TNRC6B: variants seen among roughly 807,000 people sequenced by gnomAD.
TNRC6B encodes trinucleotide repeat-containing gene 6B protein.
In TNRC6B, 52 loss-of-function variants were observed where a neutral mutation model predicts 203.6. The ratio of observed to expected loss-of-function variants is 0.26; its 90% CI spans 0.20 to 0.32. TNRC6B has a LOEUF of 0.32. Among genes scored for constraint, TNRC6B ranks in the 10% least tolerant of loss-of-function variants. The pLI is 1.00. For synonymous variants in TNRC6B, 838 were observed against 845.7 expected, an observed-to-expected ratio of 0.99 and a Z score of 0.16; for missense variants, 1,923 against 2,286.2, an observed-to-expected ratio of 0.84 and a Z score of 3.24.
At chr22:40,221,750 TG>T (rs1472093174) in intron 1 of TNRC6B, among the ~76,000 whole-genome samples, 3 of 116,996 alleles carry the variant, frequency 2.6e-5, no homozygotes, top group Non-Finnish European at 5.4e-5. Flanking sequence ...ACCTTCTTAT[TG>T]CCCCCCCCCC....
At chr22:40,302,923 A>T (rs1021513551) in intron 15 of TNRC6B, among the ~76,000 whole-genome samples, 1 of 152,204 alleles carries the variant, frequency 6.6e-6, no homozygotes, top group Non-Finnish European at 1.5e-5. Flanking sequence ...ATATAGAAGA[A>T]GGTCAGCTCT....
intron 1 of TNRC6B, among the ~76,000 whole-genome samples, chr22:40,222,308 G>A (rs971518345): frequency 6.6e-6 from 1 of 152,182 alleles, no homozygotes; most frequent in African/African-American, 2.4e-5. Flanking sequence ...AGGAATAAAA[G>A]GGGCTTAAAG....
At chr22:40,171,040 GTA>G (rs58126747) in intron 4 of TNRC6B, among the ~76,000 whole-genome samples, 99,053 of 145,802 alleles carry the variant, frequency 0.68, 35,255 homozygotes, top group African/African-American at 0.9. Context: ...CTATATAGGT[GTA>G]TATATATATA....
intron 4 of TNRC6B, among the ~76,000 whole-genome samples, chr22:40,262,761 C>T (rs1038436662): frequency 6.6e-5 from 10 of 152,072 alleles, no homozygotes; most frequent in South Asian, 2.1e-4. Flanking sequence ...AGTTTTTGGC[C>T]GGGCACGGTG....
chr22:40,156,233 C>T (rs1218885857), intron 4 of TNRC6B: 11 of 1,528,656 alleles, frequency 7.2e-6, no homozygotes, highest in Admixed American at 5.9e-5. Context: ...CTCGGAAACA[C>T]TTTGGTTCAA....
At chr22:40,236,486 A>G (rs1569032700) in intron 1 of TNRC6B, among the ~76,000 whole-genome samples, 1 of 152,160 alleles carries the variant, frequency 6.6e-6, no homozygotes, top group Non-Finnish European at 1.5e-5. Context: ...CTTCTGGCAT[A>G]GTTCCCGTGT....
At chr22:40,251,309 A>G in intron 3 of TNRC6B, 109 bp downstream of exon 3, 1 of 806,590 alleles carries the variant, frequency 1.2e-6, no homozygotes, top group Non-Finnish European at 1.9e-6. Flanking sequence ...GCGTAGAGTA[A>G]TTAAGGTGGG....
intron 20 of TNRC6B, 123 bp downstream of exon 20, chr22:40,315,630 C>T: frequency 8.8e-7 from 1 of 1,141,914 alleles, no homozygotes; most frequent in East Asian, 2.6e-5. Context: ...GCTTTTTCTT[C>T]TGGTAGAGGA....
chr22:40,313,038 T>G (rs777247207), intron 19 of TNRC6B, 41 bp downstream of exon 19: 2 of 1,485,648 alleles, frequency 1.3e-6, no homozygotes, highest in African/African-American at 2.8e-5. Flanking sequence ...GTTAGCACTT[T>G]TTCATCAGGT....
intron 1 of TNRC6B, among the ~76,000 whole-genome samples, chr22:40,198,530 A>G (rs1300212151): frequency 2.0e-5 from 3 of 151,986 alleles, no homozygotes; most frequent in Non-Finnish European, 4.4e-5. Flanking sequence ...AGGAGAGGTG[A>G]GAAGGGCATC....
At position 40,330,874 on chromosome 22, in the gene TNRC6B, A is replaced by G. The variant is rs1011134469; in HGVS notation, c.*7633A>G. The G allele has an allele frequency of 1.2e-4, 19 of 152,610 alleles. No homozygotes were observed. Among genetic ancestry groups the G allele is most frequent in the African/African-American group, 4.3e-4 (18 of 41,444 alleles). 9.5% of individuals were successfully genotyped at this position (152,610 alleles called of 1,614,324 possible). A position where few individuals can be genotyped will look rare whatever the true frequency, so the allele number is the denominator to read the frequency against. On this transcript the variant is annotated 3_prime_UTR_variant, in exon 23 of 23. Transcript: ENST00000454349. The stretch of plus-strand genomic sequence containing the variant: ...GATTTCATTAGCATCAATATTGCAC[A>G]GTGTAGAGTTGAGTGGAAGAGATTC...
chr22:40,072,215 TATTG>T (rs1285543245), intron 1 of TNRC6B, among the ~76,000 whole-genome samples: 1 of 152,170 alleles, frequency 6.6e-6, no homozygotes, highest in Non-Finnish European at 1.5e-5. Flanking sequence ...AAATATAAAT[TATTG>T]ATCTATTTAA....
At chr22:40,267,111 T>C in intron 5 of TNRC6B, 75 bp downstream of exon 5, 1 of 1,397,298 alleles carries the variant, frequency 7.2e-7, no homozygotes, top group Non-Finnish European at 9.5e-7. Context: ...ATTAGGTGAA[T>C]TTATTCAACT....
chr22:40,121,312 A>G (rs1282255665), intron 2 of TNRC6B, among the ~76,000 whole-genome samples: 1 of 152,014 alleles, frequency 6.6e-6, no homozygotes. Context: ...TCACCTATAT[A>G]AACCTAGCAC....
At chr22:40,203,902 CTT>C (rs2069445631) in intron 1 of TNRC6B, among the ~76,000 whole-genome samples, 1 of 152,162 alleles carries the variant, frequency 6.6e-6, no homozygotes, top group South Asian at 2.1e-4. Flanking sequence ...TCTAGTTGTT[CTT>C]TTATTGCCCT....
chr22:40,147,971 C>G lies in TNRC6B; in HGVS notation c.46-8144C>G, dbSNP rs112043144. On this transcript the variant is annotated intron_variant, in intron 3 of 23. Transcript: ENST00000301923. The stretch of plus-strand genomic sequence containing the variant: ...AGATTGGATTGTGGTAGTGGTTGCA[C>G]AATTCTGTAAATACAATAAAAGCCA... Among the ~76,000 whole-genome samples the G allele has an allele frequency of 3.5e-4, 53 of 152,190 alleles. 2 individuals carry two copies. The highest frequency in any genetic ancestry group is 1.2e-3 in the African/African-American group (50 of 41,508).
At chr22:40,057,647 G>A (rs1390304986) in intron 1 of TNRC6B, among the ~76,000 whole-genome samples, 1 of 152,010 alleles carries the variant, frequency 6.6e-6, no homozygotes, top group Non-Finnish European at 1.5e-5. Flanking sequence ...TACATATCTC[G>A]AGCCTCAAAA....
intron 5 of TNRC6B, among the ~76,000 whole-genome samples, chr22:40,269,362 G>C (rs1052454479): frequency 9.2e-5 from 14 of 151,826 alleles, no homozygotes; most frequent in African/African-American, 3.4e-4. Flanking sequence ...TTGAACTCCT[G>C]ACCTCAGGAG....
At chr22:40,119,726 C>G (rs918024305) in intron 2 of TNRC6B, among the ~76,000 whole-genome samples, 1 of 152,192 alleles carries the variant, frequency 6.6e-6, no homozygotes, top group Non-Finnish European at 1.5e-5. Context: ...GGGCTTTGCC[C>G]TGACTTTTTT....
Sources: gnomAD v4.1 joint callset for allele counts (sites outside exome capture counted in the v4.1 genomes callset) on GRCh38, gnomAD v4.1.1 for gene constraint, MANE v1.5 for transcripts, NCBI Gene and HGNC (gene_info 2026-07-23, HGNC 2026-07-21) for gene names.